The following KIAA1217 variants were observed in gnomAD, a reference collection of about 807,000 sequenced individuals.
KIAA1217 encodes sickle tail protein homolog.
A neutral mutation model predicts 163.9 loss-of-function variants in KIAA1217; 88 were observed. The ratio of observed to expected loss-of-function variants is 0.54; its 90% CI spans 0.45 to 0.64. The LOEUF (loss-of-function observed/expected upper bound fraction) is 0.64. KIAA1217 is among the 30% of genes least tolerant of loss of function. KIAA1217 has a pLI of 0.00. For synonymous variants in KIAA1217, 903 were observed against 923.1 expected (o/e 0.98, Z 0.39); for missense variants, 2,372 against 2,475.0 (o/e 0.96, Z 0.88).
At chr10:24,474,873 G>A (rs11815896) in intron 6 of KIAA1217, among the ~76,000 whole-genome samples, 11,160 of 152,216 alleles carry the variant, frequency 0.073, 568 homozygotes, top group Non-Finnish European at 0.11. Flanking sequence ...GTCCAAAGAA[G>A]GTTTAAGCAT....
At chr10:23,943,555 C>T (rs201445808) in intron 1 of KIAA1217, among the ~76,000 whole-genome samples, 3 of 152,122 alleles carry the variant, frequency 2.0e-5, no homozygotes, top group East Asian at 1.9e-4. Context: ...AAAATTTATC[C>T]ATAGATTTGG....
At chr10:23,960,077 G>A (rs551374083) in intron 1 of KIAA1217, among the ~76,000 whole-genome samples, 7 of 151,716 alleles carry the variant, frequency 4.6e-5, no homozygotes, top group East Asian at 1.9e-4. Context: ...CACCACGCCC[G>A]GCTAATTTTT....
chr10:24,207,089 G>A (rs567297678), upstream of KIAA1217, among the ~76,000 whole-genome samples: 5 of 152,270 alleles, frequency 3.3e-5, no homozygotes, highest in East Asian at 1.9e-4. Flanking sequence ...GGCTGCCAAC[G>A]GCTGTGGCAG....
intron 6 of KIAA1217, among the ~76,000 whole-genome samples, chr10:24,486,195 G>T (rs2065371643): frequency 6.6e-6 from 1 of 152,184 alleles, no homozygotes; most frequent in African/African-American, 2.4e-5. Context: ...GCCACCTTCA[G>T]CCTGTTCTCA....
chr10:23,851,346 T>C (rs1839309137), intron 1 of KIAA1217, among the ~76,000 whole-genome samples: 1 of 148,558 alleles, frequency 6.7e-6, no homozygotes, highest in South Asian at 2.1e-4. Flanking sequence ...CATGAACTCA[T>C]CATTTTTATG....
intron 3 of KIAA1217, among the ~76,000 whole-genome samples, chr10:24,398,826 A>G (rs2056176817): frequency 2.6e-5 from 4 of 152,048 alleles, no homozygotes. Context: ...ATGCTTTGCC[A>G]TTTTGTCTCT....
At chr10:23,859,767 T>C (rs1421325103) in intron 1 of KIAA1217, among the ~76,000 whole-genome samples, 1 of 152,124 alleles carries the variant, frequency 6.6e-6, no homozygotes, top group Non-Finnish European at 1.5e-5. Context: ...ACTTACAACA[T>C]TTTTAGAGAT....
At chr10:24,034,390 A>G (rs1299714884) in intron 2 of KIAA1217, among the ~76,000 whole-genome samples, 1 of 151,580 alleles carries the variant, frequency 6.6e-6, no homozygotes, top group African/African-American at 2.4e-5. Flanking sequence ...CAAAATCCCA[A>G]CTCTACAAAA....
intron 1 of KIAA1217, among the ~76,000 whole-genome samples, chr10:24,214,669 G>A (rs560831426): frequency 6.6e-6 from 1 of 152,284 alleles, no homozygotes; most frequent in South Asian, 2.1e-4. Context: ...TACACCCAGA[G>A]AGGTTGTACA....
intron 1 of KIAA1217, among the ~76,000 whole-genome samples, chr10:23,992,392 C>T (rs1846256614): frequency 6.6e-6 from 1 of 151,462 alleles, no homozygotes; most frequent in South Asian, 2.1e-4. Flanking sequence ...AGATGCAATC[C>T]TTGCCTACCC....
chr10:24,035,983 C>G (rs1848382060), intron 2 of KIAA1217, among the ~76,000 whole-genome samples: 1 of 152,160 alleles, frequency 6.6e-6, no homozygotes, highest in South Asian at 2.1e-4. Flanking sequence ...TCAAATCCTG[C>G]CAGAAAACAG....
chr10:24,283,158 T>TTGAC (rs1380730967), intron 2 of KIAA1217, among the ~76,000 whole-genome samples: 5 of 151,972 alleles, frequency 3.3e-5, no homozygotes, highest in Non-Finnish European at 7.4e-5. Context: ...TTTAGGGCCT[T>TTGAC]TGACTGATAG....
In KIAA1217 at chr10:24,520,149, TGAA is replaced by T. The variant is rs543352000; in HGVS notation, c.2209_2211del (p.Lys737del). On this transcript the variant is annotated inframe_deletion, in exon 11 of 21. Transcript: ENST00000376454. ...GAGTTGGAAGACTTTGTTGAAGACT[TGAA>T]GAAGGACTCCACGGCAGCCAGCCGA... The T allele has an allele frequency of 1.7e-4, 268 of 1,614,062 alleles. 1 individual carries two copies. The African/African-American group carries it at 2.9e-3, about 17-fold the overall frequency.
intron 5 of KIAA1217, among the ~76,000 whole-genome samples, chr10:24,447,775 T>C (rs887260528): frequency 2.0e-5 from 3 of 152,226 alleles, no homozygotes; most frequent in Non-Finnish European, 2.9e-5. Context: ...TATTGGCCAC[T>C]GACCCAAATG....
At chr10:24,348,697 T>A (rs1365945228) in intron 2 of KIAA1217, among the ~76,000 whole-genome samples, 1 of 152,190 alleles carries the variant, frequency 6.6e-6, no homozygotes, top group African/African-American at 2.4e-5. Context: ...ATCTTACAGA[T>A]AATGGATCTC....
chr10:24,267,801 G>A (rs974020690), intron 2 of KIAA1217, among the ~76,000 whole-genome samples: 1 of 152,162 alleles, frequency 6.6e-6, no homozygotes, highest in South Asian at 2.1e-4. Flanking sequence ...ATAGTACTTG[G>A]TATGAGTTGG....
In KIAA1217 at chr10:24,273,852, C is replaced by CAAA. The variant is rs768025622; in HGVS notation, c.354+53956_354+53958dup. On this transcript the variant is annotated intron_variant, in intron 2 of 20. Transcript: ENST00000376454. ...TGGGCGACAGAACAAGACTCTGTCTCAAAAAAAAAAAAAAAGTCCAAGTTA... is the reference window on the plus strand; with the variant it reads ...TGGGCGACAGAACAAGACTCTGTCTCAAAAAAAAAAAAAAAAAAGTCCAAGTTA... Among the ~76,000 whole-genome samples the CAAA allele has an allele frequency of 3.8e-4, 46 of 120,138 alleles. 1 individual carries two copies. Among genetic ancestry groups the CAAA allele is most frequent in the Admixed American group, 1.4e-3 (16 of 11,674 alleles). 78.8% of individuals were successfully genotyped at this position (120,138 alleles called of 152,430 possible). A position where few individuals can be genotyped will look rare whatever the true frequency, so the allele number is the denominator to read the frequency against.
At chr10:24,501,087 TAA>T (rs1554908827) in intron 8 of KIAA1217, among the ~76,000 whole-genome samples, 1 of 68,484 alleles carries the variant, frequency 1.5e-5, no homozygotes, top group Admixed American at 1.3e-4. Flanking sequence ...AAAATTAAAA[TAA>T]AAAAAAAATA....
intron 1 of KIAA1217, among the ~76,000 whole-genome samples, chr10:23,903,517 A>C (rs1842033084): frequency 6.6e-6 from 1 of 152,116 alleles, no homozygotes. Flanking sequence ...AGTCATGGAG[A>C]AGGAAGATTG....
Sources: gnomAD v4.1 joint callset for allele counts (sites outside exome capture counted in the v4.1 genomes callset) on GRCh38, gnomAD v4.1.1 for gene constraint, MANE v1.5 for transcripts, NCBI Gene and HGNC (gene_info 2026-07-23, HGNC 2026-07-21) for gene names.